Variants in SPOCK1 observed in about 807,000 individuals in gnomAD.
SPOCK1 encodes SPARC (osteonectin), cwcv and kazal like domains proteoglycan 1.
Under a neutral mutation model 55.3 loss-of-function variants are expected in SPOCK1, and 23 were observed. That is an observed-to-expected ratio of 0.42 (90% CI 0.30 to 0.59). The LOEUF (loss-of-function observed/expected upper bound fraction) is 0.59. Ranked by LOEUF, SPOCK1 falls within the 20% of genes least tolerant of loss-of-function variation. The pLI is 0.22. For missense variants in SPOCK1, 499 were observed against 552.5 expected, an observed-to-expected ratio of 0.90 and a Z score of 0.97; for synonymous variants, 226 against 221.0, an observed-to-expected ratio of 1.02 and a Z score of -0.20.
chr5:137,196,656 G>A (rs987479362), intron 3 of SPOCK1, among the ~76,000 whole-genome samples: 1 of 152,208 alleles, frequency 6.6e-6, no homozygotes, highest in Non-Finnish European at 1.5e-5. Context: ...AACTATATCA[G>A]ATCTTGCTTT....
At chr5:137,028,916 G>T (rs1326707994) in intron 6 of SPOCK1, among the ~76,000 whole-genome samples, 3 of 152,148 alleles carry the variant, frequency 2.0e-5, no homozygotes, top group African/African-American at 4.8e-5. Flanking sequence ...CTCCCAAGGG[G>T]CTGGGACCTC....
At chr5:137,360,574 C>T (rs1750919808) in intron 2 of SPOCK1, among the ~76,000 whole-genome samples, 3 of 152,244 alleles carry the variant, frequency 2.0e-5, no homozygotes, top group Admixed American at 2.0e-4. Context: ...AGTCTGCGCA[C>T]TTTGATCTCT....
At chr5:137,300,164 C>A (rs969760128) in intron 2 of SPOCK1, among the ~76,000 whole-genome samples, 1 of 152,078 alleles carries the variant, frequency 6.6e-6, no homozygotes, top group Non-Finnish European at 1.5e-5. Flanking sequence ...TTTCTTCTGC[C>A]ATTTCCAAAC....
intron 2 of SPOCK1, among the ~76,000 whole-genome samples, chr5:137,429,358 C>T (rs1752697593): frequency 6.6e-6 from 1 of 152,204 alleles, no homozygotes; most frequent in Non-Finnish European, 1.5e-5. Flanking sequence ...ACCCCCACCC[C>T]CATTATATCA....
At chr5:137,486,284 G>A (rs1171467021) in intron 2 of SPOCK1, among the ~76,000 whole-genome samples, 1 of 152,148 alleles carries the variant, frequency 6.6e-6, no homozygotes, top group South Asian at 2.1e-4. Context: ...AAACTGAAGT[G>A]ACCTGACCAC....
At chr5:137,352,616 C>T (rs760077469) in intron 2 of SPOCK1, among the ~76,000 whole-genome samples, 6 of 151,056 alleles carry the variant, frequency 4.0e-5, no homozygotes, top group Non-Finnish European at 2.9e-5. Context: ...GGTGGAAAGA[C>T]GCAGGAGGAG....
rs1228573555 is a variant in SPOCK1 at position 136,978,231 on chromosome 5, A to G, written c.*423T>C. 9.6e-6 allele frequency: 3 copies of G among 310,960 alleles called. No individual in the cohort carries two copies. The highest frequency in any genetic ancestry group is 4.3e-5 in the African/African-American group (2 of 46,888). The allele number at this position is 310,960 out of a possible 1,614,324, so 19.3% of individuals were successfully genotyped here. ...CTTTTTCACAACATCTACAGGACAC[A>G]AGAGAAGCACTTAGACACTGTAAGG... On this transcript the variant is annotated 3_prime_UTR_variant, in exon 11 of 11. Transcript: ENST00000394945.
chr5:137,440,089 G>GA (rs147961043), intron 2 of SPOCK1, among the ~76,000 whole-genome samples: 6,623 of 151,994 alleles, frequency 0.044, 257 homozygotes, highest in African/African-American at 0.1. Flanking sequence ...CAGGGAGGGG[G>GA]AAAAATCTTT....
At chr5:137,284,065 A>G (rs1757219998) in intron 2 of SPOCK1, among the ~76,000 whole-genome samples, 1 of 152,238 alleles carries the variant, frequency 6.6e-6, no homozygotes, top group African/African-American at 2.4e-5. Flanking sequence ...TATCAGCACA[A>G]TGACTTTGCA....
At position 136,988,405 on chromosome 5, in the gene SPOCK1, C is replaced by T. The variant is rs1258773399; in HGVS notation, c.928+17G>A. On this transcript the variant is annotated intron_variant, in intron 8 of 10. Coordinates refer to ENST00000394945, the MANE Select transcript of SPOCK1 (RefSeq NM_004598.4). ...GCTGCCCTGGGCTAGGGACCCCAAC[C>T]CTCCATCCCACCTTACCTCCAGGCT... 2.5e-6 allele frequency: 4 copies of T among 1,609,340 alleles called. No individual in the cohort carries two copies. Among genetic ancestry groups the T allele is most frequent in the South Asian group, 1.1e-5 (1 of 90,940 alleles).
chr5:137,462,968 G>A (rs975035965), intron 2 of SPOCK1, among the ~76,000 whole-genome samples: 4 of 152,190 alleles, frequency 2.6e-5, no homozygotes, highest in African/African-American at 4.8e-5. Flanking sequence ...GGAAAAGGAT[G>A]AGGCTGAAGA....
At chr5:137,113,354 G>T (rs739927) in intron 4 of SPOCK1, among the ~76,000 whole-genome samples, 1 of 151,966 alleles carries the variant, frequency 6.6e-6, no homozygotes, top group Non-Finnish European at 1.5e-5. Flanking sequence ...CAAGCAAACC[G>T]CTTGGAGCGA....
chr5:137,190,201 A>G (rs1474111961), intron 3 of SPOCK1, among the ~76,000 whole-genome samples: 1 of 152,198 alleles, frequency 6.6e-6, no homozygotes, highest in Non-Finnish European at 1.5e-5. Context: ...AGGATTGACT[A>G]ATTTTGAAAG....
At chr5:137,151,613 A>G (rs1182496939) in intron 3 of SPOCK1, among the ~76,000 whole-genome samples, 1 of 152,224 alleles carries the variant, frequency 6.6e-6, no homozygotes, top group Non-Finnish European at 1.5e-5. Flanking sequence ...TTATTCTTGC[A>G]GGACCAGAAA....
intron 9 of SPOCK1, among the ~76,000 whole-genome samples, chr5:136,980,771 G>T (rs1270298753): frequency 6.6e-6 from 1 of 152,210 alleles, no homozygotes; most frequent in East Asian, 1.9e-4. Context: ...GGTGTTTTCT[G>T]CATTGTTTCT....
intron 2 of SPOCK1, among the ~76,000 whole-genome samples, chr5:137,379,654 T>G (rs1751417259): frequency 1.3e-5 from 2 of 152,068 alleles, no homozygotes; most frequent in African/African-American, 4.8e-5. Context: ...TTTCAAACTT[T>G]ACTATTGTCT....
At chr5:137,443,760 G>A (rs1470548606) in intron 2 of SPOCK1, among the ~76,000 whole-genome samples, 1 of 152,160 alleles carries the variant, frequency 6.6e-6, no homozygotes, top group African/African-American at 2.4e-5. Context: ...TTACCCCGTT[G>A]TATTACCACT....
At chr5:137,446,744 A>C (rs1181394719) in intron 2 of SPOCK1, among the ~76,000 whole-genome samples, 1 of 152,178 alleles carries the variant, frequency 6.6e-6, no homozygotes, top group Admixed American at 6.5e-5. Flanking sequence ...ATTGTTGTGC[A>C]ACCAATCACC....
intron 2 of SPOCK1, among the ~76,000 whole-genome samples, chr5:137,434,617 AGC>A (rs1270396182): frequency 1.4e-5 from 2 of 146,070 alleles, no homozygotes; most frequent in African/African-American, 2.6e-5. Context: ...CTCCTGCCTC[AGC>A]CTCCCTAGTA....
Sources: allele counts gnomAD v4.1 joint callset (sites outside exome capture counted in the v4.1 genomes callset), GRCh38; gene constraint gnomAD v4.1.1; transcripts MANE v1.5; gene names NCBI Gene and HGNC (gene_info 2026-07-23, HGNC 2026-07-21).